The following EIF4G3 variants were observed in gnomAD, a reference collection of about 807,000 sequenced individuals.
The protein encoded by EIF4G3 is eukaryotic translation initiation factor 4 gamma 3.
Under a neutral mutation model 186.4 loss-of-function variants are expected in EIF4G3, and 34 were observed. That is an observed-to-expected ratio of 0.18 (90% CI 0.14 to 0.24). EIF4G3 has a LOEUF of 0.24. Among genes scored for constraint, EIF4G3 ranks in the 10% least tolerant of loss-of-function variants. EIF4G3 has a pLI of 1.00. For missense variants in EIF4G3, 1,536 were observed against 1,948.5 expected, an observed-to-expected ratio of 0.79 and a Z score of 3.99; for synonymous variants, 673 against 679.5, an observed-to-expected ratio of 0.99 and a Z score of 0.15.
At chr1:21,004,008 T>C (rs970257834) in intron 4 of EIF4G3, 2 of 163,986 alleles carry the variant, frequency 1.2e-5, no homozygotes, top group Middle Eastern at 2.9e-3. Flanking sequence ...GAGGACCTAC[T>C]GTGAATTCAT....
intron 11 of EIF4G3, among the ~76,000 whole-genome samples, chr1:20,971,204 C>A (rs2075825488): frequency 1.3e-5 from 2 of 152,162 alleles, no homozygotes; most frequent in Non-Finnish European, 2.9e-5. Flanking sequence ...TTGTTTATTA[C>A]CACCATACCT....
chr1:21,007,771 C>A (rs561926766), intron 4 of EIF4G3, among the ~76,000 whole-genome samples: 16 of 152,020 alleles, frequency 1.1e-4, no homozygotes, highest in Non-Finnish European at 2.4e-4. Context: ...ACATAGTACA[C>A]ACAACAACCA....
At chr1:21,157,897 A>G (rs908713841) in intron 2 of EIF4G3, among the ~76,000 whole-genome samples, 1 of 152,194 alleles carries the variant, frequency 6.6e-6, no homozygotes, top group African/African-American at 2.4e-5. Context: ...GCTGAATAGC[A>G]GTTAAGCTAC....
chr1:21,138,166 A>G (rs2097279238), intron 2 of EIF4G3, among the ~76,000 whole-genome samples: 1 of 152,208 alleles, frequency 6.6e-6, no homozygotes, highest in Non-Finnish European at 1.5e-5. Flanking sequence ...AGAAACACAG[A>G]GGGGAAAATT....
intron 2 of EIF4G3, among the ~76,000 whole-genome samples, chr1:21,116,893 C>T (rs906437570): frequency 2.7e-5 from 4 of 150,130 alleles, no homozygotes; most frequent in African/African-American, 9.8e-5. Context: ...ACACAAGTAT[C>T]TGTTATATTA....
intron 4 of EIF4G3, among the ~76,000 whole-genome samples, chr1:21,024,329 G>A (rs1289587630): frequency 4.6e-5 from 7 of 151,762 alleles, no homozygotes; most frequent in African/African-American, 9.7e-5. Context: ...CAGCCGCCCC[G>A]ACCGTGAGGG....
chr1:20,975,714 C>A (rs2076724240), intron 10 of EIF4G3, among the ~76,000 whole-genome samples: 1 of 151,472 alleles, frequency 6.6e-6, no homozygotes, highest in Non-Finnish European at 1.5e-5. Context: ...TTTTTACATA[C>A]CATTTATTAA....
chr1:20,976,224 G>T (rs921482921), intron 10 of EIF4G3, among the ~76,000 whole-genome samples: 1 of 151,192 alleles, frequency 6.6e-6, no homozygotes, highest in African/African-American at 2.4e-5. Flanking sequence ...TGTGCACAAC[G>T]TGCAGGTTAG....
chr1:21,130,815 T>C lies in EIF4G3; in HGVS notation c.-271-41602A>G, dbSNP rs188747745. 2.6e-5 allele frequency among the ~76,000 whole-genome samples: 4 copies of C among 152,248 alleles called. No individual in the cohort carries two copies. In the East Asian group the frequency reaches 7.7e-4, roughly 29 times the overall value. ...ACAGTGAAAAAGGAGACAACATACA[T>C]GAATAGATGGGTAATTTCAGGAAGA... On this transcript the variant is annotated intron_variant, in intron 2 of 36. Coordinates refer to ENST00000602326, the MANE Select transcript of EIF4G3 (RefSeq NM_001391906.1).
At chr1:21,148,705 TAAAAAAAAAAA>T (rs765374275) in intron 2 of EIF4G3, among the ~76,000 whole-genome samples, 1 of 108,962 alleles carries the variant, frequency 9.2e-6, no homozygotes, top group Non-Finnish European at 1.8e-5. Context: ...CTGTCTCATT[TAAAAAAAAAAA>T]AAAAAAAAAA....
intron 14 of EIF4G3, among the ~76,000 whole-genome samples, chr1:20,926,493 A>G (rs1323882377): frequency 6.6e-6 from 1 of 152,168 alleles, no homozygotes; most frequent in Non-Finnish European, 1.5e-5. Flanking sequence ...CAGCTGGGCA[A>G]TATGGCGAGA....
chr1:21,088,135 C>G (rs2096059732), intron 3 of EIF4G3, among the ~76,000 whole-genome samples: 3 of 151,882 alleles, frequency 2.0e-5, no homozygotes, highest in Admixed American at 2.0e-4. Context: ...CTGTTAAAAA[C>G]AGTGTTCATG....
chr1:20,815,274 T>A, intron 34 of EIF4G3, among the ~76,000 whole-genome samples: 1 of 89,778 alleles, frequency 1.1e-5, no homozygotes, highest in East Asian at 5.9e-4. Context: ...CCCCTCTGCC[T>A]GGCTGCCCAG....
At chr1:20,967,444 A>C (rs1474450464) in intron 12 of EIF4G3, among the ~76,000 whole-genome samples, 3 of 152,226 alleles carry the variant, frequency 2.0e-5, no homozygotes, top group Admixed American at 2.0e-4. Context: ...TCCCATGCTC[A>C]CTTCCAGGGA....
chr1:20,843,432 G>A (rs1349154833), intron 29 of EIF4G3, among the ~76,000 whole-genome samples: 4 of 151,876 alleles, frequency 2.6e-5, no homozygotes, highest in Non-Finnish European at 5.9e-5. Flanking sequence ...CAGGAAAATC[G>A]CTTGAACCCG....
chr1:20,946,183 CAG>C (rs1384222995), intron 13 of EIF4G3, among the ~76,000 whole-genome samples: 1 of 152,160 alleles, frequency 6.6e-6, no homozygotes, highest in Non-Finnish European at 1.5e-5. Flanking sequence ...TAAATGCCAG[CAG>C]AGTCCCAAAT....
intron 3 of EIF4G3, among the ~76,000 whole-genome samples, chr1:21,066,544 A>T (rs1361073750): frequency 1.3e-5 from 2 of 152,194 alleles, no homozygotes; most frequent in East Asian, 3.8e-4. Context: ...CAACCACAGA[A>T]TGACAGTTTA....
chr1:21,120,879 T>G (rs2096914042), intron 2 of EIF4G3, among the ~76,000 whole-genome samples: 1 of 152,140 alleles, frequency 6.6e-6, no homozygotes, highest in Non-Finnish European at 1.5e-5. Flanking sequence ...CAGCATAAAC[T>G]TAAGTCAGAC....
At chr1:21,016,975 AAAACAAAACG>A (rs781690053) in intron 4 of EIF4G3, among the ~76,000 whole-genome samples, 43 of 152,184 alleles carry the variant, frequency 2.8e-4, no homozygotes, top group Non-Finnish European at 4.9e-4. Context: ...TTTAAAAAAC[AAAACAAAACG>A]AAACAAAACA....
Sources: allele counts gnomAD v4.1 joint callset (sites outside exome capture counted in the v4.1 genomes callset), GRCh38; gene constraint gnomAD v4.1.1; transcripts MANE v1.5; gene names NCBI Gene and HGNC (gene_info 2026-07-23, HGNC 2026-07-21).